Variants in NALCN observed in about 807,000 individuals in gnomAD.
NALCN encodes sodium leak channel NALCN.
Under a neutral mutation model 225.3 loss-of-function variants are expected in NALCN, and 111 were observed. The observed-to-expected ratio is 0.49, with a 90% CI of 0.42 to 0.58. The LOEUF (loss-of-function observed/expected upper bound fraction) is 0.58. Among genes scored for constraint, NALCN ranks in the 20% least tolerant of loss-of-function variants. The pLI, the probability that NALCN is intolerant of heterozygous loss-of-function variation, is 0.00. For synonymous variants in NALCN, 764 were observed against 769.0 expected (o/e 0.99, Z 0.11); for missense variants, 1,378 against 2,202.4 (o/e 0.63, Z 7.49).
chr13:101,081,988 C>T (rs985060356), intron 33 of NALCN, among the ~76,000 whole-genome samples: 5 of 152,042 alleles, frequency 3.3e-5, no homozygotes, highest in African/African-American at 1.2e-4. Flanking sequence ...AGCAATTCTC[C>T]TGCCTCAGCC....
At chr13:101,164,243 C>T (rs987443843) in intron 15 of NALCN, among the ~76,000 whole-genome samples, 2 of 152,070 alleles carry the variant, frequency 1.3e-5, no homozygotes, top group Non-Finnish European at 2.9e-5. Flanking sequence ...GAATCTCCCA[C>T]CTATACTTAT....
intron 16 of NALCN, 61 bp from the exon 17 acceptor site, chr13:101,143,282 T>G: frequency 6.7e-7 from 1 of 1,500,688 alleles, no homozygotes; most frequent in East Asian, 2.3e-5. Context: ...AGTGACAGCA[T>G]TTTGCAATGA....
At chr13:101,095,709 A>C (rs765685429) in intron 27 of NALCN, 29 bp from the exon 28 acceptor site, 1 of 1,537,004 alleles carries the variant, frequency 6.5e-7, no homozygotes, top group South Asian at 1.2e-5. Context: ...AGGAGAGGGG[A>C]AACCTGGTCA....
At chr13:101,075,980 C>T in intron 34 of NALCN, 39 bp from the exon 35 acceptor site, 2 of 1,569,226 alleles carry the variant, frequency 1.3e-6, no homozygotes, top group East Asian at 2.3e-5. Flanking sequence ...ATAATTTGCA[C>T]AAAAGATCTT....
rs1379930369 is a variant in NALCN, at chr13:101,327,221, G to T, written c.799+18045C>A. ...AGTGGGTTATTTAAACATTAAAAGT[G>T]CTATCAATGATAGCGCTTTTGCATG... On this transcript the variant is annotated intron_variant, in intron 7 of 43. Transcript: ENST00000251127. Among the ~76,000 whole-genome samples the T allele has an allele frequency of 2.0e-5, 3 of 152,074 alleles. No individual in the cohort carries two copies. In the East Asian group the frequency reaches 5.8e-4, roughly 29 times the overall value.
chr13:101,413,298 A>G (rs1303334925), intron 1 of NALCN, among the ~76,000 whole-genome samples: 2 of 152,116 alleles, frequency 1.3e-5, no homozygotes, highest in Non-Finnish European at 2.9e-5. Context: ...ACCAATTTGA[A>G]GATATGGAAA....
intron 17 of NALCN, among the ~76,000 whole-genome samples, chr13:101,137,517 G>A (rs2036859982): frequency 6.6e-6 from 1 of 151,968 alleles, no homozygotes. Context: ...ATTATAAAAT[G>A]CTGTATGGCA....
At chr13:101,251,917 C>A (rs766444747) in intron 11 of NALCN, among the ~76,000 whole-genome samples, 20 of 152,160 alleles carry the variant, frequency 1.3e-4, no homozygotes, top group Non-Finnish European at 2.2e-4. Context: ...CATATTTAGT[C>A]TACCACAATA....
chr13:101,351,917 C>A (rs1388055784), intron 6 of NALCN, among the ~76,000 whole-genome samples: 1 of 152,198 alleles, frequency 6.6e-6, no homozygotes, highest in African/African-American at 2.4e-5. Flanking sequence ...AGATATGGAA[C>A]TACCATCATG....
chr13:101,225,139 T>C (rs2041092484), intron 13 of NALCN, among the ~76,000 whole-genome samples: 1 of 152,172 alleles, frequency 6.6e-6, no homozygotes, highest in African/African-American at 2.4e-5. Context: ...CCTATATCTC[T>C]ACTATAGTGG....
At chr13:101,401,669 C>T (rs550652900) in intron 1 of NALCN, among the ~76,000 whole-genome samples, 1 of 152,234 alleles carries the variant, frequency 6.6e-6, no homozygotes, top group African/African-American at 2.4e-5. Flanking sequence ...TTGGTTATAT[C>T]TGACCAACCA....
At chr13:101,110,549 G>T in intron 20 of NALCN, 70 bp downstream of exon 20, 2 of 1,523,280 alleles carry the variant, frequency 1.3e-6, no homozygotes, top group Non-Finnish European at 1.8e-6. Context: ...ACTGGGCATT[G>T]TCTAAGCAGT....
intron 13 of NALCN, among the ~76,000 whole-genome samples, chr13:101,226,097 A>G (rs534822534): frequency 6.6e-6 from 1 of 152,100 alleles, no homozygotes; most frequent in Non-Finnish European, 1.5e-5. Context: ...GTCTTGGAGA[A>G]ACACCACCAT....
chr13:101,064,071 C>T (rs905159499), intron 40 of NALCN, among the ~76,000 whole-genome samples: 5 of 151,964 alleles, frequency 3.3e-5, no homozygotes, highest in African/African-American at 1.2e-4. Context: ...TAAATAATAC[C>T]ATCTAGCAGA....
intron 34 of NALCN, among the ~76,000 whole-genome samples, chr13:101,080,566 TAACCAA>T (rs2033562761): frequency 8.5e-6 from 1 of 117,618 alleles, no homozygotes; most frequent in Non-Finnish European, 1.7e-5. Flanking sequence ...TAAATAATTA[TAACCAA>T]ATAATTATAT....
intron 3 of NALCN, among the ~76,000 whole-genome samples, chr13:101,394,877 G>A (rs2047240073): frequency 1.3e-5 from 2 of 152,208 alleles, no homozygotes. Flanking sequence ...GTGCTGGGTT[G>A]TGGGCTCAGC....
chr13:101,378,511 T>A, intron 4 of NALCN, 59 bp downstream of exon 4: 1 of 1,323,778 alleles, frequency 7.6e-7, no homozygotes, highest in Non-Finnish European at 1.1e-6. Context: ...AGACTTTTAA[T>A]GCAAAATAAT....
intron 11 of NALCN, among the ~76,000 whole-genome samples, chr13:101,240,848 T>G (rs564214242): frequency 6.6e-6 from 1 of 152,204 alleles, no homozygotes; most frequent in Non-Finnish European, 1.5e-5. Flanking sequence ...ACCATTTATT[T>G]ATTTTTGGAA....
intron 13 of NALCN, among the ~76,000 whole-genome samples, chr13:101,192,328 T>G (rs2039714930): frequency 6.6e-6 from 1 of 152,166 alleles, no homozygotes; most frequent in African/African-American, 2.4e-5. Context: ...TAGAAACAAA[T>G]TCAAGATCTT....
Sources: allele counts gnomAD v4.1 joint callset (sites outside exome capture counted in the v4.1 genomes callset), GRCh38; gene constraint gnomAD v4.1.1; transcripts MANE v1.5; gene names NCBI Gene and HGNC (gene_info 2026-07-23, HGNC 2026-07-21).